ZSWIM8: variants seen among roughly 807,000 people sequenced by gnomAD.
ZSWIM8 encodes zinc finger SWIM domain-containing protein 8.
A neutral mutation model predicts 173.7 loss-of-function variants in ZSWIM8; 27 were observed. That is an observed-to-expected ratio of 0.16 (90% CI 0.11 to 0.21). ZSWIM8 has a LOEUF of 0.21. ZSWIM8 is among the 10% of genes least tolerant of loss of function. The probability of loss-of-function intolerance (pLI) is 1.00; values close to 1 mark genes in which losing one functional copy is unlikely to be tolerated. For synonymous variants in ZSWIM8, 958 were observed against 962.0 expected, an observed-to-expected ratio of 1.00 and a Z score of 0.08; for missense variants, 1,627 against 2,428.8, an observed-to-expected ratio of 0.67 and a Z score of 6.94.
At chr10:73,799,576 A>G (rs758961030) in intron 21 of ZSWIM8, 86 bp downstream of exon 21, 2 of 1,537,228 alleles carry the variant, frequency 1.3e-6, no homozygotes, top group Non-Finnish European at 1.8e-6. Context: ...TGGGAGTATA[A>G]TTGGTCAGTC....
At position 73,796,839 on chromosome 10, in the gene ZSWIM8, C is replaced by T. The variant is rs929155812; in HGVS notation, c.3099C>T (p.Tyr1033=). 2 of 1,613,936 alleles carry T rather than the reference C, an allele frequency of 1.2e-6. No individual in the cohort carries two copies. The highest frequency in any genetic ancestry group is 3.3e-5 in the Admixed American group (2 of 60,012). The change falls in exon 16 of 26, where the codon TAC becomes TAT. Residue 1033 remains tyrosine, a synonymous_variant. Coordinates refer to ENST00000604729, the MANE Select transcript of ZSWIM8 (RefSeq NM_001367799.1). Reference sequence around the variant, plus strand: ...AGCCACAGACGCTGAGTTCTTTCTACTCATCTAGCCGCCCAACCACAGCCA... The same window carrying T: ...AGCCACAGACGCTGAGTTCTTTCTATTCATCTAGCCGCCCAACCACAGCCA... ...THKPQTLSSF[Y]SSSRPTTASQ... is the part of the protein sequence containing the mutation.
chr10:73,789,281 T>C lies in ZSWIM8; in HGVS notation c.458-86T>C. 6.3e-7 allele frequency: 1 copy of C among 1,597,828 alleles called. No individual in the cohort carries two copies. The highest frequency in any genetic ancestry group is 8.6e-7 in the Non-Finnish European group (1 of 1,169,544). The stretch of plus-strand genomic sequence containing the variant: ...ACACACCGCAAGAAGCTGGAGCATG[T>C]TGTCTGAATAACTGCAGGGCCAGGG... On this transcript the variant is annotated intron_variant, in intron 3 of 25. Coordinates refer to ENST00000604729, the MANE Select transcript of ZSWIM8 (RefSeq NM_001367799.1). The surrounding 1 kb of genome is among the most constrained non-coding windows in gnomAD (Gnocchi z 6.8).
chr10:73,799,614 C>A, intron 21 of ZSWIM8, 124 bp downstream of exon 21: 1 of 1,343,446 alleles, frequency 7.4e-7, no homozygotes, highest in South Asian at 1.3e-5. Flanking sequence ...TGGTGGGAGT[C>A]TGGGGGACCC....
rs1365445822 is a variant in ZSWIM8 at position 73,799,340 on chromosome 10, C to G, written c.4515C>G (p.Gly1505=). 5.6e-6 allele frequency: 9 copies of G among 1,610,326 alleles called. No homozygotes were observed. Among genetic ancestry groups the G allele is most frequent in the Non-Finnish European group, 5.9e-6 (7 of 1,178,526 alleles). The change falls in exon 21 of 26, where the codon GGC becomes GGG. Residue 1505 remains glycine, a synonymous_variant. Transcript: ENST00000604729. ...ACCCGGGTCCAGGACTGGGGCATGGCCACTCCCCTGGCCTGCACCCCTACA... is the reference window on the plus strand; with the variant it reads ...ACCCGGGTCCAGGACTGGGGCATGGGCACTCCCCTGGCCTGCACCCCTACA... The part of the protein sequence containing the change: ...SLYPGPGLGH[G]HSPGLHPYTA...
chr10:73,795,508 C>A (rs775377064), intron 14 of ZSWIM8, 31 bp from the exon 15 acceptor site: 19 of 1,612,470 alleles, frequency 1.2e-5, no homozygotes, highest in Middle Eastern at 3.3e-4. Context: ...TATGACTACT[C>A]TCAATCCCCA....
At position 73,789,144 on chromosome 10, in the gene ZSWIM8, G is replaced by T; in HGVS notation, c.411G>T (p.Gly137=). The T allele has an allele frequency of 7.4e-6, 12 of 1,614,002 alleles. No individual in the cohort carries two copies. The highest frequency in any genetic ancestry group is 1.0e-5 in the Non-Finnish European group (12 of 1,179,874). Reference sequence around the variant, plus strand: ...GCAGTGCGGATGAGTTTCAGCGAGGGGATCAGCTCTTCCGCATGCGGGCTG... The same window carrying T: ...GCAGTGCGGATGAGTTTCAGCGAGGTGATCAGCTCTTCCGCATGCGGGCTG... The part of the protein sequence containing the change: ...ANGSADEFQR[G]DQLFRMRAVK... The change falls in exon 3 of 26, where the codon GGG becomes GGT. Residue 137 remains glycine (G), a synonymous_variant. Transcript: ENST00000604729. This position sits in a 1 kb window ranked among gnomAD's most constrained non-coding sequence, Gnocchi z 6.8.
chr10:73,789,941 C>T lies in ZSWIM8; in HGVS notation c.739-15C>T. 1 of 1,611,244 alleles carries T rather than the reference C, an allele frequency of 6.2e-7. No individual in the cohort carries two copies. Among genetic ancestry groups the T allele is most frequent in the South Asian group, 1.1e-5 (1 of 90,352 alleles). ...TAGGCCGTGTTCTGCCTGCCTCCGT[C>T]TCTTTCTCCCTCAGATCCTCCCCAC... On this transcript the variant is annotated splice_polypyrimidine_tract_variant and intron_variant, in intron 5 of 25. Transcript: ENST00000604729. This position sits in a 1 kb window ranked among gnomAD's most constrained non-coding sequence, Gnocchi z 6.8.
In ZSWIM8 at chr10:73,785,626, C is replaced by G. The variant is rs1389364174; in HGVS notation, c.-253C>G. 1.4e-5 allele frequency: 8 copies of G among 567,608 alleles called. No individual in the cohort carries two copies. Among genetic ancestry groups the G allele is most frequent in the Non-Finnish European group, 2.4e-5 (7 of 297,606 alleles). The allele number at this position is 567,608 out of a possible 1,614,324, so 35.2% of individuals were successfully genotyped here. A position where few individuals can be genotyped will look rare whatever the true frequency, so the allele number is the denominator to read the frequency against. On this transcript the variant is annotated 5_prime_UTR_variant, in exon 1 of 26. Transcript: ENST00000604729. ...TCCGCAGCCGCCTAGAGGCCCCAGC[C>G]GCCGAGCGCTTCGTCCCGGCCCTAA...
Position 73,798,363 on chromosome 10 carries a change from G to A in ZSWIM8, c.4086G>A (p.Ala1362=), listed in dbSNP as rs370668672. ...SRARDSNMVR[A]AAELALSCLP... is the part of the protein sequence containing the mutation. ...CAAGAGACTCCAATATGGTGAGGGCGGCAGCAGAGCTGGCCCTGAGCTGCC... is the reference window on the plus strand; with the variant it reads ...CAAGAGACTCCAATATGGTGAGGGCAGCAGCAGAGCTGGCCCTGAGCTGCC... Residue 1362 remains alanine (A), a synonymous_variant, in exon 20 of 26, where the codon GCG becomes GCA. Coordinates refer to ENST00000604729, the MANE Select transcript of ZSWIM8 (RefSeq NM_001367799.1). 53 of 1,614,022 alleles carry A rather than the reference G, an allele frequency of 3.3e-5. No homozygotes were observed. In the Middle Eastern group the frequency reaches 4.9e-4, roughly 15 times the overall value.
Position 73,793,739 on chromosome 10 carries a change from T to G in ZSWIM8, c.2445+20T>G. ...GCCAAGGTGAGAGACCCCCTTCCTC[T>G]ACCTTCCCCTCCCCCACTTACCCCC... On this transcript the variant is annotated intron_variant, in intron 11 of 25. Transcript: ENST00000604729. 6.4e-7 allele frequency: 1 copy of G among 1,557,932 alleles called. No individual in the cohort carries two copies. Among genetic ancestry groups the G allele is most frequent in the Non-Finnish European group, 8.7e-7 (1 of 1,148,806 alleles).
At position 73,789,241 on chromosome 10, in the gene ZSWIM8, G is replaced by A. The variant is rs367741035; in HGVS notation, c.457+51G>A. 3,088 of 1,611,214 alleles carry A rather than the reference G, an allele frequency of 1.9e-3. 2 individuals carry two copies. The highest frequency in any genetic ancestry group is 2.5e-3 in the Non-Finnish European group (2,931 of 1,177,628). ...CACATCCTGCTCCTCCCATCCCCTG[G>A]CTTATGAAGTAAGAACACACCGCAA... On this transcript the variant is annotated intron_variant, in intron 3 of 25. Coordinates refer to ENST00000604729, the MANE Select transcript of ZSWIM8 (RefSeq NM_001367799.1). This position sits in a 1 kb window ranked among gnomAD's most constrained non-coding sequence, Gnocchi z 6.8.
At chr10:73,786,937 A>G (rs892030894) in intron 1 of ZSWIM8, among the ~76,000 whole-genome samples, 11 of 141,792 alleles carry the variant, frequency 7.8e-5, no homozygotes, top group Non-Finnish European at 1.5e-4. Flanking sequence ...AAATTTACAT[A>G]TATCACTTTT....
At chr10:73,795,117 A>G (rs1208864692) in intron 14 of ZSWIM8, among the ~76,000 whole-genome samples, 2 of 152,084 alleles carry the variant, frequency 1.3e-5, no homozygotes, top group South Asian at 2.1e-4. Flanking sequence ...CAAAGAAAAA[A>G]AAAATTGTGT....
At position 73,800,299 on chromosome 10, in the gene ZSWIM8, G is replaced by A. The variant is rs746998564; in HGVS notation, c.4829G>A (p.Ser1610Asn). Residue 1610 changes from serine to asparagine, a missense_variant, in exon 23 of 26, where the codon AGC becomes AAC. Around this residue, in one of 18 missense-constraint regions of ZSWIM8, gnomAD observed 275 missense variants for 290.1 expected, o/e 0.95. Transcript: ENST00000604729. This position sits in a 1 kb window ranked among gnomAD's most constrained non-coding sequence, Gnocchi z 4.1. ...GLPLPTSVAL[S>N]SVHPASTFPA... is the part of the protein sequence containing the mutation. ...ACATGGCTCTCACCCCACTTAGTGAGCAGTGTCCATCCAGCATCCACGTTT... is the reference window on the plus strand; with the variant it reads ...ACATGGCTCTCACCCCACTTAGTGAACAGTGTCCATCCAGCATCCACGTTT... The A allele has an allele frequency of 3.1e-6, 5 of 1,613,644 alleles. No homozygotes were observed. The Admixed American group carries it at 5.0e-5, about 16-fold the overall frequency.
At position 73,801,638 on chromosome 10, in the gene ZSWIM8, G is replaced by A; in HGVS notation, c.*119G>A. 6.5e-7 allele frequency: 1 copy of A among 1,537,582 alleles called. No individual in the cohort carries two copies. Among genetic ancestry groups the A allele is most frequent in the Non-Finnish European group, 8.7e-7 (1 of 1,147,320 alleles). On this transcript the variant is annotated 3_prime_UTR_variant, in exon 26 of 26. Coordinates refer to ENST00000604729, the MANE Select transcript of ZSWIM8 (RefSeq NM_001367799.1). This position sits in a 1 kb window ranked among gnomAD's most constrained non-coding sequence, Gnocchi z 4.9. ...CCTCACTCAGTTCCCTGGTAGCACAGACTGACAGCTGCTCTTGGGCTATAG... is the reference window on the plus strand; with the variant it reads ...CCTCACTCAGTTCCCTGGTAGCACAAACTGACAGCTGCTCTTGGGCTATAG...
rs1281143377 is a variant in ZSWIM8 at position 73,789,821 on chromosome 10, G to A, written c.735G>A (p.Gln245=). ...FAQYLISELP[Q]QILPTAQRLL... The stretch of plus-strand genomic sequence containing the variant: ...AGTACCTCATCAGTGAGCTCCCTCA[G>A]CAGGTGGGTGAGGTCGGCACCCCCT... The change falls in exon 5 of 26, where the codon CAG becomes CAA. Residue 245 remains glutamine, a synonymous_variant. Coordinates refer to ENST00000604729, the MANE Select transcript of ZSWIM8 (RefSeq NM_001367799.1). The surrounding 1 kb of genome is among the most constrained non-coding windows in gnomAD (Gnocchi z 6.8). 5 of 1,605,156 alleles carry A rather than the reference G, an allele frequency of 3.1e-6. No individual in the cohort carries two copies. In the East Asian group the frequency reaches 1.1e-4, roughly 36 times the overall value.
rs150242337 is a variant in ZSWIM8, at chr10:73,794,414, A to C, written c.2809+84A>C. 7,526 of 1,569,526 alleles carry C rather than the reference A, an allele frequency of 4.8e-3. 32 individuals are homozygous for C. The highest frequency in any genetic ancestry group is 6.9e-3 in the Admixed American group (387 of 56,184). Reference sequence around the variant, plus strand: ...AAAGACCAAGAGCCCCAAGTTTCTGAATCACCTTTAGGACCCATCAGGCAG... The same window carrying C: ...AAAGACCAAGAGCCCCAAGTTTCTGCATCACCTTTAGGACCCATCAGGCAG... On this transcript the variant is annotated intron_variant, in intron 13 of 25. Coordinates refer to ENST00000604729, the MANE Select transcript of ZSWIM8 (RefSeq NM_001367799.1).
intron 15 of ZSWIM8, 49 bp from the exon 16 acceptor site, chr10:73,796,725 A>G (rs927237100): frequency 2.5e-6 from 4 of 1,601,636 alleles, no homozygotes; most frequent in Admixed American, 3.3e-5. Context: ...CAGGAGCTAA[A>G]GGGCATCCTG....
intron 1 of ZSWIM8, among the ~76,000 whole-genome samples, chr10:73,787,156 C>G (rs1029577322): frequency 6.6e-6 from 1 of 152,140 alleles, no homozygotes; most frequent in Non-Finnish European, 1.5e-5. Flanking sequence ...GTTGGTCAGG[C>G]TGGTCTTGAA....
Sources: allele counts gnomAD v4.1 joint callset (sites outside exome capture counted in the v4.1 genomes callset), GRCh38; gene constraint gnomAD v4.1.1; regional missense constraint gnomAD v4.1.1; non-coding constraint Gnocchi (gnomAD v3.1); transcripts MANE v1.5; gene names NCBI Gene and HGNC (gene_info 2026-07-23, HGNC 2026-07-21).